Variants in NAA60 observed in about 807,000 individuals in gnomAD.
The protein encoded by NAA60 is N-alpha-acetyltransferase 60, NatF catalytic subunit, also known as N-alpha-acetyltransferase 60.
In NAA60, 8 loss-of-function variants were observed where a neutral mutation model predicts 26.1. The ratio of observed to expected loss-of-function variants is 0.31; its 90% CI spans 0.18 to 0.55. The LOEUF is 0.55. NAA60 is among the 20% of genes least tolerant of loss of function. NAA60 has a pLI of 0.93. For missense variants in NAA60, 290 were observed against 311.3 expected, an observed-to-expected ratio of 0.93 and a Z score of 0.51; for synonymous variants, 131 against 122.5, an observed-to-expected ratio of 1.07 and a Z score of -0.46.
rs558497409 is a variant in NAA60 at position 3,474,847 on chromosome 16, C to G, written c.-6-1375C>G. 4.6e-5 allele frequency among the ~76,000 whole-genome samples: 7 copies of G among 152,354 alleles called. No homozygotes were observed. The South Asian group carries it at 1.4e-3, about 32-fold the overall frequency. On this transcript the variant is annotated intron_variant, in intron 2 of 7. Coordinates refer to ENST00000407558, the MANE Select transcript of NAA60 (RefSeq NM_001083601.3). ...ATTTCTACTTTTATTAGCTGGCATT[C>G]TTCTGTAAAGAACTTTCCTCAACGC...
intron 2 of NAA60, among the ~76,000 whole-genome samples, chr16:3,453,513 A>G (rs922412653): frequency 3.9e-5 from 6 of 152,072 alleles, no homozygotes; most frequent in Non-Finnish European, 8.8e-5. Context: ...GGTTCAAGCG[A>G]TTCTTCTGCC....
intron 4 of NAA60, among the ~76,000 whole-genome samples, chr16:3,480,678 G>A (rs946443086): frequency 6.7e-6 from 1 of 148,926 alleles, no homozygotes; most frequent in Non-Finnish European, 1.5e-5. Flanking sequence ...GGCATTTTGG[G>A]CAGATCACGA....
At chr16:3,476,179 A>C in intron 2 of NAA60, 43 bp from the exon 3 acceptor site, 1 of 1,467,522 alleles carries the variant, frequency 6.8e-7, no homozygotes, top group South Asian at 1.2e-5. Flanking sequence ...CATGAGGAAG[A>C]CCAGGCTGTG....
Position 3,479,504 on chromosome 16 carries a change from C to T in NAA60, c.144C>T (p.Ser48=). 1 of 1,613,996 alleles carries T rather than the reference C, an allele frequency of 6.2e-7. No homozygotes were observed. The highest frequency in any genetic ancestry group is 8.5e-7 in the Non-Finnish European group (1 of 1,179,868). ...ACTCATGGTATCGTGATATCACATC[C>T]AACAAGAAGTTCTTTTCCCTTGCTG... ...YPDSWYRDIT[S]NKKFFSLAAT... is the part of the protein sequence containing the mutation. Residue 48 remains serine (S), a synonymous_variant, in exon 4 of 8, where the codon TCC becomes TCT. Coordinates refer to ENST00000407558, the MANE Select transcript of NAA60 (RefSeq NM_001083601.3).
intron 2 of NAA60, among the ~76,000 whole-genome samples, chr16:3,473,467 A>G (rs2036278929): frequency 6.6e-6 from 1 of 152,182 alleles, no homozygotes; most frequent in South Asian, 2.1e-4. Flanking sequence ...CAAGAACAGT[A>G]TGGGCGAAAC....
At chr16:3,455,479 C>A (rs2034952006) in intron 2 of NAA60, among the ~76,000 whole-genome samples, 1 of 150,436 alleles carries the variant, frequency 6.6e-6, no homozygotes, top group East Asian at 2.0e-4. Flanking sequence ...ACTGCAAGCT[C>A]CACCTCCTGG....
intron 3 of NAA60, among the ~76,000 whole-genome samples, chr16:3,478,642 T>C (rs2036631902): frequency 6.6e-6 from 1 of 152,206 alleles, no homozygotes; most frequent in African/African-American, 2.4e-5. Context: ...CTTGGCCTCA[T>C]TGTTGATGAG....
Position 3,479,545 on chromosome 16 carries a change from C to T in NAA60, c.185C>T (p.Ala62Val), listed in dbSNP as rs1458437180. ...FFSLAATYRGAIVGMIVAEIK... is the reference protein window; with the variant it reads ...FFSLAATYRGVIVGMIVAEIK... ...TCCCTTGCTGCAACCTACAGAGGTG[C>T]CATTGTGGGAATGATAGTAGCTGAA... Residue 62 changes from alanine to valine, a missense_variant, in exon 4 of 8, where the codon GCC becomes GTC. By Grantham distance (64) the Ala-to-Val change is moderately conservative (BLOSUM62 0). Transcript: ENST00000407558. 6.2e-7 allele frequency: 1 copy of T among 1,614,012 alleles called. No homozygotes were observed. Among genetic ancestry groups the T allele is most frequent in the Admixed American group, 1.7e-5 (1 of 60,024 alleles).
chr16:3,448,485 G>T lies in NAA60; in HGVS notation c.-62G>T. Reference sequence around the variant, plus strand: ...CTCCCCTGCAGCATACAGAAAGGCTGTACCTGGAGGAAGGAAGTGCGGAGC... The same window carrying T: ...CTCCCCTGCAGCATACAGAAAGGCTTTACCTGGAGGAAGGAAGTGCGGAGC... On this transcript the variant is annotated 5_prime_UTR_variant, in exon 2 of 8. Coordinates refer to ENST00000407558, the MANE Select transcript of NAA60 (RefSeq NM_001083601.3). The T allele has an allele frequency of 6.5e-7, 1 of 1,535,544 alleles. No homozygotes were observed. The highest frequency in any genetic ancestry group is 8.7e-7 in the Non-Finnish European group (1 of 1,146,850).
chr16:3,450,399 A>G (rs1444323017), intron 2 of NAA60, among the ~76,000 whole-genome samples: 1 of 152,220 alleles, frequency 6.6e-6, no homozygotes, highest in South Asian at 2.1e-4. Context: ...TTTCTGGGTG[A>G]GTCAGGAAAG....
At chr16:3,455,166 C>G (rs1324801624) in intron 2 of NAA60, among the ~76,000 whole-genome samples, 1 of 151,974 alleles carries the variant, frequency 6.6e-6, no homozygotes, top group Non-Finnish European at 1.5e-5. Flanking sequence ...ATTCTCATGT[C>G]TCAGACTCCC....
rs899489487 is a variant in NAA60 at position 3,472,689 on chromosome 16, T to G, written c.-6-3533T>G. 5.9e-5 allele frequency among the ~76,000 whole-genome samples: 9 copies of G among 152,314 alleles called. No homozygotes were observed. The East Asian group carries it at 1.7e-3, about 29-fold the overall frequency. Reference sequence around the variant, plus strand: ...ACCTCATGATCGGCCTGCCTTGGCCTCCCAAAGTGCTGGGATTACAGGCAT... The same window carrying G: ...ACCTCATGATCGGCCTGCCTTGGCCGCCCAAAGTGCTGGGATTACAGGCAT... On this transcript the variant is annotated intron_variant, in intron 2 of 7. Coordinates refer to ENST00000407558, the MANE Select transcript of NAA60 (RefSeq NM_001083601.3).
chr16:3,484,980 T>C lies in NAA60; in HGVS notation c.*125T>C, dbSNP rs2037078562. 1 of 1,528,418 alleles carries C rather than the reference T, an allele frequency of 6.5e-7. No homozygotes were observed. Among genetic ancestry groups the C allele is most frequent in the South Asian group, 1.2e-5 (1 of 83,820 alleles). The allele number at this position is 1,528,418 out of a possible 1,614,324, so 94.7% of individuals were successfully genotyped here. A position where few individuals can be genotyped will look rare whatever the true frequency, so the allele number is the denominator to read the frequency against. On this transcript the variant is annotated 3_prime_UTR_variant, in exon 7 of 8. Transcript: ENST00000407558. ...AGCCATCTAACTGGGCTCGTCGGCC[T>C]GCCCCAGCTGCAGGCCCGGTGCTAC...
At chr16:3,458,133 A>G in intron 2 of NAA60, 1 of 985,088 alleles carries the variant, frequency 1.0e-6, no homozygotes, top group Non-Finnish European at 1.2e-6. Flanking sequence ...CGCCTCCAGG[A>G]TGCGCTGAGC....
At chr16:3,478,670 A>AG (rs2036634217) in intron 3 of NAA60, among the ~76,000 whole-genome samples, 1 of 152,164 alleles carries the variant, frequency 6.6e-6, no homozygotes, top group Non-Finnish European at 1.5e-5. Flanking sequence ...TAGCAGCCTC[A>AG]GCCTCACATT....
At chr16:3,468,406 C>G (rs1477076358) in intron 2 of NAA60, among the ~76,000 whole-genome samples, 1 of 152,176 alleles carries the variant, frequency 6.6e-6, no homozygotes, top group African/African-American at 2.4e-5. Flanking sequence ...CCTCCAGACC[C>G]TATTCTCCTG....
intron 2 of NAA60, chr16:3,468,241 C>T (rs773510402): frequency 6.6e-6 from 1 of 152,224 alleles, no homozygotes; most frequent in African/African-American, 2.4e-5. Flanking sequence ...GGGGACCAAT[C>T]AGAGGTACTT....
At chr16:3,461,151 G>A (rs1302994610) in intron 2 of NAA60, among the ~76,000 whole-genome samples, 3 of 152,174 alleles carry the variant, frequency 2.0e-5, no homozygotes, top group African/African-American at 4.8e-5. Context: ...TTACACTGCT[G>A]ATTAAAGAGA....
chr16:3,476,586 G>C (rs947775872), intron 3 of NAA60, among the ~76,000 whole-genome samples: 2 of 152,178 alleles, frequency 1.3e-5, no homozygotes, highest in African/African-American at 4.8e-5. Flanking sequence ...CAGAGCTATC[G>C]GGTGTGGTGC....
Sources: allele counts gnomAD v4.1 joint callset (sites outside exome capture counted in the v4.1 genomes callset), GRCh38; gene constraint gnomAD v4.1.1; transcripts MANE v1.5; gene names NCBI Gene and HGNC (gene_info 2026-07-23, HGNC 2026-07-21).